The following ESRRG variants were observed in gnomAD, a reference collection of about 807,000 sequenced individuals.
ESRRG encodes estrogen-related receptor gamma.
A neutral mutation model predicts 44.0 loss-of-function variants in ESRRG; 13 were observed. The observed-to-expected ratio is 0.30, with a 90% confidence interval of 0.19 to 0.47. The LOEUF (loss-of-function observed/expected upper bound fraction) is 0.47, where lower values mean the gene tolerates loss of function less well. ESRRG is among the 20% of genes least tolerant of loss of function. The pLI is 1.00. For synonymous variants in ESRRG, 215 were observed against 214.6 expected (o/e 1.00, Z -0.02); for missense variants, 395 against 580.6 (o/e 0.68, Z 3.29).
chr1:217,099,331 A>G (rs2092471113), intron 1 of ESRRG, among the ~76,000 whole-genome samples: 1 of 152,092 alleles, frequency 6.6e-6, no homozygotes, highest in Non-Finnish European at 1.5e-5. Flanking sequence ...CCTACCTTAT[A>G]GAAAAATAAA....
chr1:216,565,290 G>C (rs970284464), intron 4 of ESRRG, among the ~76,000 whole-genome samples: 6 of 152,176 alleles, frequency 3.9e-5, no homozygotes, highest in Non-Finnish European at 5.9e-5. Context: ...TTTCTTGTTG[G>C]CCCTATTTTC....
chr1:217,088,324 T>C (rs2151540555), intron 1 of ESRRG, among the ~76,000 whole-genome samples: 1 of 151,946 alleles, frequency 6.6e-6, no homozygotes, highest in South Asian at 2.1e-4. Flanking sequence ...AGGAGTGTTT[T>C]GAAAGTAGTA....
At chr1:216,945,606 TTTCTTTTCAGA>T (rs2065938419) in intron 1 of ESRRG, among the ~76,000 whole-genome samples, 1 of 152,216 alleles carries the variant, frequency 6.6e-6, no homozygotes, top group African/African-American at 2.4e-5. Flanking sequence ...AAACTTCTCC[TTTCTTTTCAGA>T]TTCAGCTTGA....
chr1:217,048,539 T>G (rs2085313934), intron 1 of ESRRG, among the ~76,000 whole-genome samples: 1 of 151,988 alleles, frequency 6.6e-6, no homozygotes, highest in Non-Finnish European at 1.5e-5. Flanking sequence ...GACCCAGAAG[T>G]CACTCAAACA....
At chr1:217,006,108 G>A (rs2077698444) in intron 1 of ESRRG, among the ~76,000 whole-genome samples, 1 of 152,052 alleles carries the variant, frequency 6.6e-6, no homozygotes, top group Non-Finnish European at 1.5e-5. Context: ...TATAGAATGA[G>A]TCCTTTTGGC....
At chr1:216,538,113 T>C (rs913895752) in intron 5 of ESRRG, among the ~76,000 whole-genome samples, 1 of 152,078 alleles carries the variant, frequency 6.6e-6, no homozygotes, top group African/African-American at 2.4e-5. Context: ...TCTCTCCTGC[T>C]TTCTCCTCTA....
chr1:216,925,183 A>G (rs1451977662), intron 2 of ESRRG, among the ~76,000 whole-genome samples: 1 of 152,206 alleles, frequency 6.6e-6, no homozygotes, highest in African/African-American at 2.4e-5. Flanking sequence ...TCATGCCTGT[A>G]ATCTCAGCAC....
intron 5 of ESRRG, among the ~76,000 whole-genome samples, chr1:216,551,435 C>T (rs1297316999): frequency 6.6e-6 from 1 of 152,076 alleles, no homozygotes; most frequent in East Asian, 1.9e-4. Context: ...TTGTGATAAC[C>T]TCACTACCCA....
chr1:216,695,951 C>G (rs538357117), intron 1 of ESRRG, among the ~76,000 whole-genome samples: 4 of 152,244 alleles, frequency 2.6e-5, no homozygotes, highest in Admixed American at 2.0e-4. Context: ...TGAGAACATC[C>G]TAAAGTGTAT....
At chr1:216,598,838 T>G (rs2150113107) in intron 3 of ESRRG, among the ~76,000 whole-genome samples, 1 of 152,298 alleles carries the variant, frequency 6.6e-6, no homozygotes, top group South Asian at 2.1e-4. Context: ...CAAAAAGAAT[T>G]AATTTAATGC....
intron 5 of ESRRG, among the ~76,000 whole-genome samples, chr1:216,553,305 C>T (rs530656310): frequency 6.6e-6 from 1 of 152,292 alleles, no homozygotes; most frequent in Non-Finnish European, 1.5e-5. Flanking sequence ...GGTGTGAAGC[C>T]TCCCTCATAC....
intron 2 of ESRRG, among the ~76,000 whole-genome samples, chr1:216,891,013 T>C (rs1270601480): frequency 6.6e-6 from 1 of 152,092 alleles, no homozygotes; most frequent in Non-Finnish European, 1.5e-5. Flanking sequence ...AAAGCTAACA[T>C]ATGGGTATCA....
At chr1:216,762,681 T>C (rs891438175) in intron 2 of ESRRG, among the ~76,000 whole-genome samples, 2 of 151,232 alleles carry the variant, frequency 1.3e-5, no homozygotes, top group African/African-American at 4.8e-5. Flanking sequence ...ATTGTGCACA[T>C]GTACCCTAAA....
chr1:216,950,854 T>G (rs527835664), intron 1 of ESRRG, among the ~76,000 whole-genome samples: 104 of 152,316 alleles, frequency 6.8e-4, no homozygotes, highest in Non-Finnish European at 1.3e-3. Context: ...ATCCACCTAT[T>G]GAGAGGTGTC....
intron 1 of ESRRG, among the ~76,000 whole-genome samples, chr1:217,055,402 T>TG (rs2086879283): frequency 6.6e-6 from 1 of 152,118 alleles, no homozygotes; most frequent in Admixed American, 6.6e-5. Flanking sequence ...AACAGTCCAG[T>TG]GGCAGTGAGC....
chr1:216,850,136 T>C (rs986526200), intron 2 of ESRRG, among the ~76,000 whole-genome samples: 1 of 152,116 alleles, frequency 6.6e-6, no homozygotes, highest in African/African-American at 2.4e-5. Flanking sequence ...AATAGAAATA[T>C]ATACACAATT....
intron 1 of ESRRG, chr1:217,078,224 C>T (rs893424746): frequency 1.3e-5 from 2 of 152,158 alleles, no homozygotes; most frequent in South Asian, 2.1e-4. Context: ...GAGCCTGGCT[C>T]GGATCTGATG....
chr1:216,659,554 T>C lies in ESRRG; in HGVS notation c.473-8465A>G, dbSNP rs1292135466. On this transcript the variant is annotated intron_variant, in intron 2 of 6. Coordinates refer to ENST00000408911, the MANE Select transcript of ESRRG (RefSeq NM_001438.4). ...AAAAATCTTATCCCAGCCTTATCTC[T>C]TGCCACAGTCCCAGGTCGACTTCTA... Among the ~76,000 whole-genome samples, 10 of 152,254 alleles carry C rather than the reference T, an allele frequency of 6.6e-5. No individual in the cohort carries two copies. The East Asian group carries it at 1.7e-3, about 27-fold the overall frequency.
intron 1 of ESRRG, among the ~76,000 whole-genome samples, chr1:216,998,769 A>T (rs1327580996): frequency 6.6e-6 from 1 of 152,260 alleles, no homozygotes; most frequent in African/African-American, 2.4e-5. Flanking sequence ...TTGGACAAGT[A>T]AGAAGAATAT....
Sources: gnomAD v4.1 joint callset for allele counts (sites outside exome capture counted in the v4.1 genomes callset) on GRCh38, gnomAD v4.1.1 for gene constraint, MANE v1.5 for transcripts, NCBI Gene and HGNC (gene_info 2026-07-23, HGNC 2026-07-21) for gene names.